DMBT1: variants seen among roughly 807,000 people sequenced by gnomAD.
The protein encoded by DMBT1 is deleted in malignant brain tumors 1, also known as scavenger receptor cysteine-rich domain-containing protein DMBT1.
Under a neutral mutation model 252.9 loss-of-function variants are expected in DMBT1, and 198 were observed. The ratio of observed to expected loss-of-function variants is 0.78; its 90% CI spans 0.70 to 0.88. DMBT1 has a LOEUF of 0.88. Ranked by LOEUF, DMBT1 falls within the 40% of genes least tolerant of loss-of-function variation. The pLI, the probability that DMBT1 is intolerant of heterozygous loss-of-function variation, is 0.00. For missense variants in DMBT1, 2,432 were observed against 2,404.7 expected (o/e 1.01, Z -0.24); for synonymous variants, 990 against 942.7 (o/e 1.05, Z -0.92).
At position 122,586,522 on chromosome 10, in the gene DMBT1, A is replaced by T; in HGVS notation, c.1783+139A>T. On this transcript the variant is annotated intron_variant, in intron 16 of 55. Coordinates refer to ENST00000338354, the MANE Select transcript of DMBT1 (RefSeq NM_001377530.1). Reference sequence around the variant, plus strand: ...TACCTCCTTAGCTCTCTCCTAGGAAACCGCATGAGTCTTCACCACATTGCC... The same window carrying T: ...TACCTCCTTAGCTCTCTCCTAGGAATCCGCATGAGTCTTCACCACATTGCC... 2 of 1,360,370 alleles carry T rather than the reference A, an allele frequency of 1.5e-6. 1 individual carries two copies. The highest frequency in any genetic ancestry group is 2.0e-6 in the Non-Finnish European group (2 of 1,018,704). 84.3% of individuals were successfully genotyped at this position (1,360,370 alleles called of 1,614,324 possible). A position where few individuals can be genotyped will look rare whatever the true frequency, so the allele number is the denominator to read the frequency against.
At chr10:122,634,631 G>T (rs1223787555) in intron 52 of DMBT1, among the ~76,000 whole-genome samples, 2 of 151,730 alleles carry the variant, frequency 1.3e-5, no homozygotes, top group Non-Finnish European at 2.9e-5. Flanking sequence ...CAAGTAGCTG[G>T]GCTTACAGGC....
chr10:122,620,372 C>A, intron 43 of DMBT1, 81 bp downstream of exon 43: 1 of 1,517,360 alleles, frequency 6.6e-7, no homozygotes, highest in Non-Finnish European at 9.1e-7. Context: ...AAGAATGAGG[C>A]TCAAGCTGGC....
intron 26 of DMBT1, 49 bp from the exon 27 acceptor site, chr10:122,600,015 G>C: frequency 6.2e-7 from 1 of 1,603,616 alleles, no homozygotes; most frequent in Non-Finnish European, 8.5e-7. Flanking sequence ...CCACTTTGCC[G>C]ACTTCTGTGT....
intron 44 of DMBT1, 149 bp downstream of exon 44, chr10:122,621,529 T>C: frequency 1.4e-6 from 2 of 1,398,850 alleles, no homozygotes; most frequent in Non-Finnish European, 1.9e-6. Flanking sequence ...AGAATCCATA[T>C]GAATTCACTG....
At chr10:122,598,092 G>C (rs1459339995) in intron 25 of DMBT1, 80 bp downstream of exon 25, 6 of 1,595,692 alleles carry the variant, frequency 3.8e-6, no homozygotes, top group South Asian at 2.2e-5. Context: ...ATAGGATGAG[G>C]GTCAAGGTGG....
In DMBT1 at chr10:122,620,249, A is replaced by G; in HGVS notation, c.5246-4A>G. 1.9e-6 allele frequency: 3 copies of G among 1,613,892 alleles called. No homozygotes were observed. The highest frequency in any genetic ancestry group is 1.7e-6 in the Non-Finnish European group (2 of 1,179,870). ...TTGTCCTTTCTCTTTGTTGCAATTTACAGATACTTGGCTGACCACCAACTT... is the reference window on the plus strand; with the variant it reads ...TTGTCCTTTCTCTTTGTTGCAATTTGCAGATACTTGGCTGACCACCAACTT... On this transcript the variant is annotated splice_region_variant and splice_polypyrimidine_tract_variant and intron_variant, in intron 42 of 55. Transcript: ENST00000338354.
rs939049913 is a variant in DMBT1 at position 122,599,967 on chromosome 10, C to G, written c.3281-97C>G. On this transcript the variant is annotated intron_variant, in intron 26 of 55. Transcript: ENST00000338354. Reference sequence around the variant, plus strand: ...CCTGTGTGATAGGAACTAGGATGGACTGAGTGTCAGACTCGCCCATTTCTT... The same window carrying G: ...CCTGTGTGATAGGAACTAGGATGGAGTGAGTGTCAGACTCGCCCATTTCTT... 2.3e-5 allele frequency: 34 copies of G among 1,504,364 alleles called. 1 individual carries two copies. The Admixed American group carries it at 5.5e-4, about 24-fold the overall frequency. 93.2% of individuals were successfully genotyped at this position (1,504,364 alleles called of 1,614,324 possible).
chr10:122,625,933 A>T lies in DMBT1; in HGVS notation c.5636A>T (p.Asp1879Val), dbSNP rs762092774. ...SATQINSTTT[D>V]WWHPTTTTTA... The stretch of plus-strand genomic sequence containing the variant: ...TAAACAGCTTCATTTTTTTTTCTAG[A>T]TTGGTGGCATCCAACAACTACAACC... Residue 1879 changes from aspartate to valine, a missense_variant and splice_region_variant, in exon 46 of 56, where the codon GAT becomes GTT. This residue lies in a region of DMBT1 where 1,162 missense variants were observed against 1,169.0 expected (regional missense o/e 0.99). Coordinates refer to ENST00000338354, the MANE Select transcript of DMBT1 (RefSeq NM_001377530.1). The T allele has an allele frequency of 3.1e-6, 5 of 1,610,992 alleles. No individual in the cohort carries two copies. In the East Asian group the frequency reaches 1.1e-4, roughly 36 times the overall value.
intron 16 of DMBT1, among the ~76,000 whole-genome samples, chr10:122,587,961 C>A (rs2097805189): frequency 1.3e-5 from 2 of 148,370 alleles, no homozygotes; most frequent in Admixed American, 1.3e-4. Context: ...TATGTCCCTT[C>A]CTGAGCTTAC....
chr10:122,640,360 T>C lies in DMBT1; in HGVS notation c.7263T>C (p.Asp2421=). ...LYVQAEILHS[D]AVLTLFVDTC... Reference sequence around the variant, plus strand: ...TTCAGGCTGAAATCCTCCATTCTGATGCTGTACTGACCTTGTTTGTGGACA... The same window carrying C: ...TTCAGGCTGAAATCCTCCATTCTGACGCTGTACTGACCTTGTTTGTGGACA... The change falls in exon 55 of 56, where the codon GAT becomes GAC. Residue 2421 remains aspartate, a synonymous_variant. Coordinates refer to ENST00000338354, the MANE Select transcript of DMBT1 (RefSeq NM_001377530.1). 1 of 1,614,088 alleles carries C rather than the reference T, an allele frequency of 6.2e-7. No individual in the cohort carries two copies. Among genetic ancestry groups the C allele is most frequent in the Non-Finnish European group, 8.5e-7 (1 of 1,179,912 alleles).
In DMBT1 at chr10:122,643,126, G is replaced by A. The variant is rs372434439; in HGVS notation, c.7357G>A (p.Val2453Met). ...GGGGCTACTGTTCTCTTCCAGATGCGTGAGGGATGACACCTACGGACCCTA... is the reference window on the plus strand; with the variant it reads ...GGGGCTACTGTTCTCTTCCAGATGCATGAGGGATGACACCTACGGACCCTA... ...LTYDLIRSGC[V>M]RDDTYGPYSS... Residue 2453 changes from valine (V) to methionine (M), a missense_variant, in exon 56 of 56, where the codon GTG (valine) becomes ATG (methionine). Val to Met is a conservative substitution (Grantham distance 21). Coordinates refer to ENST00000338354, the MANE Select transcript of DMBT1 (RefSeq NM_001377530.1). The A allele has an allele frequency of 1.5e-5, 24 of 1,613,388 alleles. No individual in the cohort carries two copies. The Admixed American group carries it at 2.7e-4, about 18-fold the overall frequency.
In DMBT1 at chr10:122,643,179, C is replaced by A; in HGVS notation, c.7410C>A (p.Arg2470=). The A allele has an allele frequency of 6.2e-7, 1 of 1,614,000 alleles. No homozygotes were observed. Among genetic ancestry groups the A allele is most frequent in the Non-Finnish European group, 8.5e-7 (1 of 1,179,874 alleles). The change falls in exon 56 of 56, where the codon CGC becomes CGA. Residue 2470 remains arginine, a synonymous_variant. Transcript: ENST00000338354. ...CCTCGCCATCTCTTCGCATTGCCCG[C>A]TTCCGGTTCAGGGCCTTCCACTTCC... The part of the protein sequence containing the change: ...PYSSPSLRIA[R]FRFRAFHFLN...
In DMBT1 at chr10:122,618,147, G is replaced by A; in HGVS notation, c.5022G>A (p.Val1674=). The change falls in exon 41 of 56, where the codon GTG becomes GTA. Residue 1674 remains valine (V), a synonymous_variant. Transcript: ENST00000338354. ...ACTGGGACACCAATGATGCCAACGT[G>A]GTCTGCAGGCAGCTGGGCTGTGGCT... ...DDYWDTNDAN[V]VCRQLGCGWA... is the part of the protein sequence containing the mutation. 1 of 1,613,968 alleles carries A rather than the reference G, an allele frequency of 6.2e-7. No individual in the cohort carries two copies. The highest frequency in any genetic ancestry group is 2.2e-5 in the East Asian group (1 of 44,868).
chr10:122,564,632 A>T (rs1591113657), intron 1 of DMBT1, among the ~76,000 whole-genome samples: 2 of 149,382 alleles, frequency 1.3e-5, no homozygotes, highest in African/African-American at 2.4e-5. Flanking sequence ...CATCACATGT[A>T]TTTTTTTTTT....
chr10:122,631,211 G>A lies in DMBT1; in HGVS notation c.6276G>A (p.Trp2092Ter), dbSNP rs549756748. The A allele has an allele frequency of 5.0e-6, 8 of 1,613,996 alleles. No homozygotes were observed. In the South Asian group the frequency reaches 8.8e-5, roughly 18 times the overall value. Residue 2092 changes from tryptophan to a stop codon, truncating the protein, a stop_gained, in exon 49 of 56, where the codon TGG becomes TGA. Transcript: ENST00000338354. LOFTEE classifies it high-confidence loss of function. ...VECSGTESTLWQCRNRGWFSH... is the reference protein window; with the variant it reads ...VECSGTESTL ...GCTCAGGGACGGAATCCACTCTCTG[G>A]CAGTGCCGGAACCGAGGCTGGTTCT...
At position 122,643,328 on chromosome 10, in the gene DMBT1, A is replaced by G; in HGVS notation, c.7559A>G (p.Glu2520Gly). The change falls in exon 56 of 56, where the codon GAA becomes GGA. Residue 2520 changes from glutamate (E) to glycine (G), a missense_variant. Physicochemically the swap from Glu to Gly is moderately conservative, Grantham distance 98. This residue lies in a region of DMBT1 where 1,162 missense variants were observed against 1,169.0 expected (regional missense o/e 0.99). Coordinates refer to ENST00000338354, the MANE Select transcript of DMBT1 (RefSeq NM_001377530.1). ...AAGAGGGATGTGGGCTCCTACCAGG[A>G]AAAGGTGGACGTCGTCCTGGGTCCC... ...RSKRDVGSYQ[E>G]KVDVVLGPIQ... is the part of the protein sequence containing the mutation. The G allele has an allele frequency of 6.2e-7, 1 of 1,613,882 alleles. No individual in the cohort carries two copies. Among genetic ancestry groups the G allele is most frequent in the Non-Finnish European group, 8.5e-7 (1 of 1,179,842 alleles).
chr10:122,640,322 C>A lies in DMBT1; in HGVS notation c.7225C>A (p.Gln2409Lys). ...CCGCCCTTACTACGTGGACCTGAAC[C>A]AGGACTTGTACGTTCAGGCTGAAAT... is the stretch of plus-strand genomic sequence containing the variant. ...TSRPYYVDLN[Q>K]DLYVQAEILH... is the part of the protein sequence containing the mutation. Residue 2409 changes from glutamine (Q) to lysine (K), a missense_variant, in exon 55 of 56, where the codon CAG becomes AAG. Transcript: ENST00000338354. The A allele has an allele frequency of 1.2e-6, 2 of 1,614,036 alleles. No individual in the cohort carries two copies. Among genetic ancestry groups the A allele is most frequent in the Non-Finnish European group, 1.7e-6 (2 of 1,179,896 alleles).
Position 122,640,378 on chromosome 10 carries a change from T to G in DMBT1, c.7281T>G (p.Phe2427Leu), listed in dbSNP as rs772777167. The change falls in exon 55 of 56, where the codon TTT becomes TTG. Residue 2427 changes from phenylalanine to leucine, a missense_variant. By Grantham distance (22) the Phe-to-Leu change is conservative. Transcript: ENST00000338354. ...ILHSDAVLTL[F>L]VDTCVASPYS... ...ATTCTGATGCTGTACTGACCTTGTT[T>G]GTGGACACCTGCGTGGCATCACCAT... 3 of 1,614,064 alleles carry G rather than the reference T, an allele frequency of 1.9e-6. No individual in the cohort carries two copies. Among genetic ancestry groups the G allele is most frequent in the Non-Finnish European group, 2.5e-6 (3 of 1,179,898 alleles).
At chr10:122,573,578 A>T in intron 5 of DMBT1, 137 bp from the exon 6 acceptor site, 1 of 1,071,986 alleles carries the variant, frequency 9.3e-7, no homozygotes, top group Non-Finnish European at 1.4e-6. Flanking sequence ...CGATTGGCAC[A>T]TGGTTGGCTT....
Sources: allele counts gnomAD v4.1 joint callset (sites outside exome capture counted in the v4.1 genomes callset), GRCh38; gene constraint gnomAD v4.1.1; regional missense constraint gnomAD v4.1.1; transcripts MANE v1.5; gene names NCBI Gene and HGNC (gene_info 2026-07-23, HGNC 2026-07-21).